SCAPER: variants seen among roughly 807,000 people sequenced by gnomAD.
The protein encoded by SCAPER is S-phase cyclin A associated protein in the ER, also known as S phase cyclin A-associated protein in the endoplasmic reticulum.
In SCAPER, 98 loss-of-function variants were observed where a neutral mutation model predicts 182.2. That is an observed-to-expected ratio of 0.54 (90% confidence interval 0.46 to 0.64). The LOEUF is 0.64. SCAPER is among the 30% of genes least tolerant of loss of function. The probability of loss-of-function intolerance (pLI) is 0.00; values close to 1 mark genes in which losing one functional copy is unlikely to be tolerated. For synonymous variants in SCAPER, 605 were observed against 564.6 expected, an observed-to-expected ratio of 1.07 and a Z score of -1.01; for missense variants, 1,432 against 1,690.0, an observed-to-expected ratio of 0.85 and a Z score of 2.68.
chr15:76,727,990 T>C (rs921009877), intron 17 of SCAPER, among the ~76,000 whole-genome samples: 3 of 152,062 alleles, frequency 2.0e-5, no homozygotes, highest in Non-Finnish European at 4.4e-5. Flanking sequence ...GAAAAGCAAA[T>C]TAAAACCACA....
chr15:76,448,658 A>C (rs1462538941), intron 25 of SCAPER, among the ~76,000 whole-genome samples: 1 of 152,168 alleles, frequency 6.6e-6, no homozygotes, highest in Non-Finnish European at 1.5e-5. Flanking sequence ...AGGTATTCTG[A>C]GACATATCAA....
intron 6 of SCAPER, among the ~76,000 whole-genome samples, chr15:76,802,708 T>C (rs1454266272): frequency 2.0e-5 from 3 of 152,186 alleles, no homozygotes; most frequent in Admixed American, 6.5e-5. Context: ...CAGGATGAGA[T>C]AAAAGATGCC....
At chr15:76,449,314 A>C (rs557233654) in intron 25 of SCAPER, among the ~76,000 whole-genome samples, 4 of 152,350 alleles carry the variant, frequency 2.6e-5, no homozygotes, top group Non-Finnish European at 5.9e-5. Flanking sequence ...AAAGGAGGAA[A>C]GAGCATATGT....
chr15:76,638,424 A>G (rs1181972532), intron 21 of SCAPER, among the ~76,000 whole-genome samples: 1 of 152,164 alleles, frequency 6.6e-6, no homozygotes, highest in East Asian at 1.9e-4. Context: ...AGTGGCAGAC[A>G]CATTCTGTCT....
chr15:76,848,556 G>A (rs940443901), intron 4 of SCAPER, among the ~76,000 whole-genome samples: 1 of 146,042 alleles, frequency 6.8e-6, no homozygotes, highest in Non-Finnish European at 1.5e-5. Flanking sequence ...GGATGGTCTC[G>A]ATCTCCTGAC....
intron 23 of SCAPER, among the ~76,000 whole-genome samples, chr15:76,549,499 A>G (rs2045573491): frequency 6.6e-6 from 1 of 152,104 alleles, no homozygotes; most frequent in Non-Finnish European, 1.5e-5. Flanking sequence ...TCTCAAAGAC[A>G]AAAAACCAAA....
chr15:76,771,631 A>G (rs1319298659), intron 10 of SCAPER, 111 bp downstream of exon 10: 13 of 736,884 alleles, frequency 1.8e-5, no homozygotes, highest in Admixed American at 2.9e-5. Flanking sequence ...ATAAATATAT[A>G]AAAATGCTTT....
At chr15:76,826,071 C>T (rs1423599758) in intron 5 of SCAPER, among the ~76,000 whole-genome samples, 1 of 152,054 alleles carries the variant, frequency 6.6e-6, no homozygotes, top group Non-Finnish European at 1.5e-5. Context: ...TTCTATGTTG[C>T]AGTCATTATC....
chr15:76,521,021 A>C (rs2144294001), intron 23 of SCAPER, among the ~76,000 whole-genome samples: 1 of 152,302 alleles, frequency 6.6e-6, no homozygotes, highest in Admixed American at 6.5e-5. Context: ...GCTCTATGTT[A>C]CTCCTGAGAG....
intron 3 of SCAPER, among the ~76,000 whole-genome samples, chr15:76,859,996 G>A (rs2071744205): frequency 6.6e-6 from 1 of 152,120 alleles, no homozygotes; most frequent in African/African-American, 2.4e-5. Flanking sequence ...GATTACAGAC[G>A]TGAGCCACTG....
intron 17 of SCAPER, among the ~76,000 whole-genome samples, chr15:76,715,475 A>G (rs2059839818): frequency 1.3e-5 from 2 of 151,766 alleles, no homozygotes; most frequent in Non-Finnish European, 2.9e-5. Context: ...CTACATTTCA[A>G]TCTGCTGAGG....
chr15:76,558,921 A>G (rs778621537), intron 23 of SCAPER, among the ~76,000 whole-genome samples: 1 of 152,170 alleles, frequency 6.6e-6, no homozygotes, highest in Non-Finnish European at 1.5e-5. Context: ...TCTCATCTTG[A>G]ATTGTAATAC....
chr15:76,679,267 C>T (rs1029589324), intron 20 of SCAPER, among the ~76,000 whole-genome samples: 1 of 152,088 alleles, frequency 6.6e-6, no homozygotes, highest in Non-Finnish European at 1.5e-5. Flanking sequence ...TTCCCTAGCA[C>T]CTGGCCTAAT....
chr15:76,714,264 T>TG (rs2150905087), intron 17 of SCAPER, among the ~76,000 whole-genome samples: 1 of 152,278 alleles, frequency 6.6e-6, no homozygotes, highest in African/African-American at 2.4e-5. Context: ...AGTTTCACAA[T>TG]GGTTACATAT....
chr15:76,490,888 AG>A (rs1473214952), intron 24 of SCAPER, among the ~76,000 whole-genome samples: 1 of 152,140 alleles, frequency 6.6e-6, no homozygotes, highest in Non-Finnish European at 1.5e-5. Context: ...CATTTGTTGA[AG>A]ATTATCCTTC....
chr15:76,505,885 C>T (rs2041531536), intron 23 of SCAPER, among the ~76,000 whole-genome samples: 1 of 152,156 alleles, frequency 6.6e-6, no homozygotes, highest in African/African-American at 2.4e-5. Flanking sequence ...AAACGTAGTA[C>T]ATATATGGAA....
At position 76,348,094 on chromosome 15, in the gene SCAPER, T is replaced by C. The variant is rs1372926183; in HGVS notation, c.*539A>G. The C allele has an allele frequency of 1.3e-5, 2 of 152,296 alleles. No individual in the cohort carries two copies. The highest frequency in any genetic ancestry group is 2.9e-5 in the Non-Finnish European group (2 of 68,098). The allele number at this position is 152,296 out of a possible 1,614,324, so 9.4% of individuals were successfully genotyped here. On this transcript the variant is annotated 3_prime_UTR_variant, in exon 32 of 32. Coordinates refer to ENST00000563290, the MANE Select transcript of SCAPER (RefSeq NM_020843.4). Reference sequence around the variant, plus strand: ...GGGCAGACCAATGAATACAACGCCCTAAGTTGATTTCAAATAGCCCCCAAA... The same window carrying C: ...GGGCAGACCAATGAATACAACGCCCCAAGTTGATTTCAAATAGCCCCCAAA...
chr15:76,357,414 T>C (rs2041063450), intron 29 of SCAPER, among the ~76,000 whole-genome samples: 3 of 152,118 alleles, frequency 2.0e-5, no homozygotes, highest in Non-Finnish European at 2.9e-5. Flanking sequence ...TGAGATACCA[T>C]CTTACACCAA....
Position 76,526,443 on chromosome 15 carries a change from G to A in SCAPER, c.2839-21469C>T, listed in dbSNP as rs115240854. ...TGATCTTTTGCAGTTTCACTGTGATGCCTTTATTCAATTCTTGAAAATTAT... is the reference window on the plus strand; with the variant it reads ...TGATCTTTTGCAGTTTCACTGTGATACCTTTATTCAATTCTTGAAAATTAT... On this transcript the variant is annotated intron_variant, in intron 23 of 31. Transcript: ENST00000563290. 8.1e-3 allele frequency among the ~76,000 whole-genome samples: 1,227 copies of A among 152,174 alleles called. 11 individuals carry two copies. Among genetic ancestry groups the A allele is most frequent in the African/African-American group, 0.028 (1,163 of 41,516 alleles).
Sources: allele counts gnomAD v4.1 joint callset (sites outside exome capture counted in the v4.1 genomes callset), GRCh38; gene constraint gnomAD v4.1.1; transcripts MANE v1.5; gene names NCBI Gene and HGNC (gene_info 2026-07-23, HGNC 2026-07-21).